The following PAOX variants were observed in gnomAD, a reference collection of about 807,000 sequenced individuals.
PAOX encodes the protein peroxisomal N(1)-acetyl-spermine/spermidine oxidase.
In PAOX, 38 loss-of-function variants were observed where a neutral mutation model predicts 39.0. That is an observed-to-expected ratio of 0.97 (90% confidence interval 0.75 to 1.28). PAOX has a LOEUF of 1.28. Ranked by LOEUF, PAOX falls within the 50% of genes most tolerant of loss-of-function variation. PAOX has a pLI of 0.00. For missense variants in PAOX, 667 were observed against 685.7 expected (o/e 0.97, Z 0.30); for synonymous variants, 311 against 314.4 (o/e 0.99, Z 0.11).
intron 4 of PAOX, among the ~76,000 whole-genome samples, chr10:133,386,126 G>C (rs1849525902): frequency 6.6e-6 from 1 of 151,078 alleles, no homozygotes; most frequent in African/African-American, 2.4e-5. Flanking sequence ...TTGGGTTCAA[G>C]CGATTTTCCT....
intron 3 of PAOX, 23 bp from the exon 4 acceptor site, chr10:133,383,937 A>G: frequency 6.2e-7 from 1 of 1,604,194 alleles, no homozygotes; most frequent in Non-Finnish European, 8.5e-7. Context: ...GTGATGTAAG[A>G]AGAGTCCAAT....
At chr10:133,382,121 T>G (rs140322271) in intron 3 of PAOX, among the ~76,000 whole-genome samples, 1 of 152,154 alleles carries the variant, frequency 6.6e-6, no homozygotes, top group East Asian at 1.9e-4. Context: ...GAAAACAGAG[T>G]TACTAGGATA....
Position 133,384,025 on chromosome 10 carries a change from A to G in PAOX, c.934A>G (p.Ile312Val), listed in dbSNP as rs771517464. 13 of 1,614,060 alleles carry G rather than the reference A, an allele frequency of 8.1e-6. No individual in the cohort carries two copies. The highest frequency in any genetic ancestry group is 3.3e-5 in the Admixed American group (2 of 60,004). Residue 312 changes from isoleucine (I) to valine (V), a missense_variant, in exon 4 of 7, where the codon ATC (isoleucine) becomes GTC (valine). By Grantham distance (29) the Ile-to-Val change is conservative. Transcript: ENST00000278060. The surrounding 1 kb of genome is among the most constrained non-coding windows in gnomAD (Gnocchi z 4.3). ...PPLPAEKAEA[I>V]RKIGFGTNNK... ...CCTGCCGGCTGAGAAGGCAGAAGCA[A>G]TCAGGAAGATAGGCTTTGGGACCAA...
intron 6 of PAOX, chr10:133,390,831 C>G (rs1007704800): frequency 6.0e-6 from 3 of 501,614 alleles, no homozygotes; most frequent in Non-Finnish European, 1.1e-5. Context: ...ATCCCTCCCC[C>G]ACCCTCCCCA....
In PAOX at chr10:133,390,925, C is replaced by T. The variant is rs188144477; in HGVS notation, c.1393-387C>T. Reference sequence around the variant, plus strand: ...CTAAAAGCTGTTCACACCTGAGCTGCGGGGTGCAGTGGCTTCCTTTCCCAC... The same window carrying T: ...CTAAAAGCTGTTCACACCTGAGCTGTGGGGTGCAGTGGCTTCCTTTCCCAC... On this transcript the variant is annotated intron_variant, in intron 6 of 6. Coordinates refer to ENST00000278060, the MANE Select transcript of PAOX (RefSeq NM_152911.4). The T allele has an allele frequency of 3.8e-4, 264 of 692,700 alleles. 2 individuals are homozygous for T. The highest frequency in any genetic ancestry group is 3.0e-3 in the African/African-American group (170 of 57,050). The allele number at this position is 692,700 out of a possible 1,614,324, so 42.9% of individuals were successfully genotyped here.
chr10:133,388,891 G>C, intron 4 of PAOX, 65 bp from the exon 5 acceptor site: 1 of 698,638 alleles, frequency 1.4e-6, no homozygotes, highest in South Asian at 1.7e-5. Context: ...TGCAGGTCTG[G>C]TCATCCCAGG....
intron 3 of PAOX, among the ~76,000 whole-genome samples, chr10:133,382,063 C>T (rs2133460866): frequency 6.6e-6 from 1 of 152,184 alleles, no homozygotes; most frequent in South Asian, 2.1e-4. Context: ...TAGATCTGTC[C>T]TTGAGTAGAG....
Position 133,381,449 on chromosome 10 carries a change from C to T in PAOX, c.669-11C>T, listed in dbSNP as rs376780894. The T allele has an allele frequency of 6.9e-5, 111 of 1,613,384 alleles. No homozygotes were observed. In the African/African-American group the frequency reaches 1.2e-3, roughly 17 times the overall value. On this transcript the variant is annotated splice_polypyrimidine_tract_variant and intron_variant, in intron 2 of 6. Transcript: ENST00000278060. ...TGGGCCTCTACGAAACCAGCACTTC[C>T]GTCTTTCTAGGGGCTATCAAGGACT...
At position 133,381,630 on chromosome 10, in the gene PAOX, C is replaced by A; in HGVS notation, c.839C>A (p.Ala280Glu). Residue 280 changes from alanine (A) to glutamate (E), a missense_variant, in exon 3 of 7, where the codon GCG becomes GAG. By Grantham distance (107) the Ala-to-Glu change is moderately radical. Transcript: ENST00000278060. ...TGTGAGGATGGAGACCGGTTCCCGG[C>A]GCACCATGTCATCGTCACCGTGCCC... ...VECEDGDRFP[A>E]HHVIVTVPLG... The A allele has an allele frequency of 1.2e-6, 2 of 1,613,272 alleles. No individual in the cohort carries two copies. The highest frequency in any genetic ancestry group is 1.7e-6 in the Non-Finnish European group (2 of 1,180,006).
chr10:133,379,540 G>A, intron 1 of PAOX, 43 bp downstream of exon 1: 1 of 1,220,510 alleles, frequency 8.2e-7, no homozygotes, highest in Non-Finnish European at 1.0e-6. Context: ...CCAACCGGCT[G>A]CGCCCGAACT....
In PAOX at chr10:133,389,065, A is replaced by G; in HGVS notation, c.1231A>G (p.Thr411Ala). Residue 411 changes from threonine (T) to alanine (A), a missense_variant, in exon 5 of 7, where the codon ACA becomes GCA. Thr to Ala is a moderately conservative substitution (Grantham distance 58, BLOSUM62 0). Coordinates refer to ENST00000278060, the MANE Select transcript of PAOX (RefSeq NM_152911.4). ...TCTCACCCAAGTGCTCCGGAGAGTG[A>G]CAGGTAGGTACTCACCACACACGCT... ...LCLTQVLRRV[T>A]GNPRLPAPKS... 1 of 1,606,582 alleles carries G rather than the reference A, an allele frequency of 6.2e-7. No individual in the cohort carries two copies. Among genetic ancestry groups the G allele is most frequent in the Non-Finnish European group, 8.5e-7 (1 of 1,173,200 alleles).
chr10:133,388,154 T>G (rs1172854847), intron 4 of PAOX, among the ~76,000 whole-genome samples: 1 of 152,188 alleles, frequency 6.6e-6, no homozygotes, highest in Non-Finnish European at 1.5e-5. Context: ...ATATTTTAAT[T>G]TTTATATTCA....
chr10:133,380,631 C>A, intron 2 of PAOX, 146 bp downstream of exon 2: 1 of 1,223,974 alleles, frequency 8.2e-7, no homozygotes, highest in Non-Finnish European at 1.1e-6. Context: ...GCTCCTTTCC[C>A]TAGTTTTGCT....
chr10:133,389,072 G>A lies in PAOX; in HGVS notation c.1234+4G>A. Reference sequence around the variant, plus strand: ...CAAGTGCTCCGGAGAGTGACAGGTAGGTACTCACCACACACGCTGGTTCCT... The same window carrying A: ...CAAGTGCTCCGGAGAGTGACAGGTAAGTACTCACCACACACGCTGGTTCCT... On this transcript the variant is annotated splice_donor_region_variant and intron_variant, in intron 5 of 6. Transcript: ENST00000278060. 1 of 1,601,970 alleles carries A rather than the reference G, an allele frequency of 6.2e-7. No homozygotes were observed. Among genetic ancestry groups the A allele is most frequent in the Non-Finnish European group, 8.6e-7 (1 of 1,169,068 alleles).
At position 133,391,666 on chromosome 10, in the gene PAOX, C is replaced by A; in HGVS notation, c.*211C>A. 1.4e-6 allele frequency: 1 copy of A among 738,544 alleles called. No homozygotes were observed. The highest frequency in any genetic ancestry group is 2.1e-6 in the Non-Finnish European group (1 of 470,816). 45.7% of individuals were successfully genotyped at this position (738,544 alleles called of 1,614,324 possible). Reference sequence around the variant, plus strand: ...GAGACACCAGATGCTCACGGAGATGCTGGACACATAAAGCAAGTTACAGCC... The same window carrying A: ...GAGACACCAGATGCTCACGGAGATGATGGACACATAAAGCAAGTTACAGCC... On this transcript the variant is annotated 3_prime_UTR_variant, in exon 7 of 7. Coordinates refer to ENST00000278060, the MANE Select transcript of PAOX (RefSeq NM_152911.4).
chr10:133,384,372 G>A lies in PAOX; in HGVS notation c.1121+160G>A, dbSNP rs1015723736. The stretch of plus-strand genomic sequence containing the variant: ...CCCACCAGGTGCTGGCTGCACCTGG[G>A]CCTGACCCCTGCGGGGACAGATGGC... On this transcript the variant is annotated intron_variant, in intron 4 of 6. Coordinates refer to ENST00000278060, the MANE Select transcript of PAOX (RefSeq NM_152911.4). The surrounding 1 kb of genome is among the most constrained non-coding windows in gnomAD (Gnocchi z 4.3). Among the ~76,000 whole-genome samples the A allele has an allele frequency of 3.9e-4, 59 of 152,296 alleles. No homozygotes were observed. The highest frequency in any genetic ancestry group is 1.4e-3 in the African/African-American group (59 of 41,560).
At chr10:133,381,354 C>A in intron 2 of PAOX, 106 bp from the exon 3 acceptor site, 1 of 1,093,942 alleles carries the variant, frequency 9.1e-7, no homozygotes, top group Non-Finnish European at 1.3e-6. Context: ...TGGAGAGCTC[C>A]CCGCAGCTAC....
rs1849478716 is a variant in PAOX, at chr10:133,384,295, A to G, written c.1121+83A>G. The G allele has an allele frequency of 1.9e-6, 3 of 1,545,998 alleles. No homozygotes were observed. Among genetic ancestry groups the G allele is most frequent in the African/African-American group, 2.7e-5 (2 of 73,032 alleles). ...GGAGGACGCAGCAGTGTGTCTGTTC[A>G]CTGCAGGGTATTTCTAGGGGGTTTA... On this transcript the variant is annotated intron_variant, in intron 4 of 6. Coordinates refer to ENST00000278060, the MANE Select transcript of PAOX (RefSeq NM_152911.4). The surrounding 1 kb of genome is among the most constrained non-coding windows in gnomAD (Gnocchi z 4.3).
Position 133,384,266 on chromosome 10 carries a change from T to C in PAOX, c.1121+54T>C. ...AGTGGCTGGCTCATAGGCCTTCATC[T>C]GATGGAGGACGCAGCAGTGTGTCTG... On this transcript the variant is annotated intron_variant, in intron 4 of 6. Coordinates refer to ENST00000278060, the MANE Select transcript of PAOX (RefSeq NM_152911.4). The surrounding 1 kb of genome is among the most constrained non-coding windows in gnomAD (Gnocchi z 4.3). 1 of 1,593,796 alleles carries C rather than the reference T, an allele frequency of 6.3e-7. No homozygotes were observed. Among genetic ancestry groups the C allele is most frequent in the South Asian group, 1.1e-5 (1 of 88,650 alleles).
Sources: gnomAD v4.1 joint callset for allele counts (sites outside exome capture counted in the v4.1 genomes callset) on GRCh38, gnomAD v4.1.1 for gene constraint, Gnocchi (gnomAD v3.1) non-coding constraint, MANE v1.5 for transcripts, NCBI Gene and HGNC (gene_info 2026-07-23, HGNC 2026-07-21) for gene names.